Variants in ZBTB46 observed in about 807,000 individuals in gnomAD.
ZBTB46 encodes the protein zinc finger and BTB domain-containing protein 46.
Under a neutral mutation model 44.1 loss-of-function variants are expected in ZBTB46, and 8 were observed. The observed-to-expected ratio is 0.18, with a 90% CI of 0.11 to 0.33. The LOEUF is 0.33. Among genes scored for constraint, ZBTB46 ranks in the 10% least tolerant of loss-of-function variants. The probability of loss-of-function intolerance (pLI) is 1.00; values close to 1 mark genes in which losing one functional copy is unlikely to be tolerated. For synonymous variants in ZBTB46, 409 were observed against 382.3 expected (o/e 1.07, Z -0.81); for missense variants, 651 against 847.7 (o/e 0.77, Z 2.88).
At chr20:63,810,703 G>A (rs6011146) in intron 1 of ZBTB46, among the ~76,000 whole-genome samples, 27,231 of 152,096 alleles carry the variant, frequency 0.18, 2,961 homozygotes, top group East Asian at 0.45. Flanking sequence ...CCAAAATTGT[G>A]CCACTGCACT....
intron 1 of ZBTB46, among the ~76,000 whole-genome samples, chr20:63,830,533 G>T (rs1193028171): frequency 6.6e-6 from 1 of 150,462 alleles, no homozygotes; most frequent in Non-Finnish European, 1.5e-5. Flanking sequence ...CGGCCTCAGG[G>T]CGCCGGGACC....
At chr20:63,760,310 T>C (rs536765539) in intron 3 of ZBTB46, among the ~76,000 whole-genome samples, 15 of 152,358 alleles carry the variant, frequency 9.8e-5, no homozygotes, top group African/African-American at 3.4e-4. Flanking sequence ...CATAAAACCA[T>C]TGAGCTCTTC....
chr20:63,808,653 C>T (rs956990812), intron 1 of ZBTB46, among the ~76,000 whole-genome samples: 1 of 152,114 alleles, frequency 6.6e-6, no homozygotes, highest in African/African-American at 2.4e-5. Context: ...GTCCAGCGCT[C>T]GGCCAGGACA....
intron 2 of ZBTB46, among the ~76,000 whole-genome samples, chr20:63,782,134 C>T (rs867922735): frequency 1.4e-4 from 22 of 151,960 alleles, no homozygotes; most frequent in East Asian, 7.8e-4. Flanking sequence ...CCAAAATCCC[C>T]GGCTACTGTA....
intron 3 of ZBTB46, among the ~76,000 whole-genome samples, chr20:63,754,191 G>C (rs574432026): frequency 1.3e-5 from 2 of 152,208 alleles, no homozygotes; most frequent in Admixed American, 6.5e-5. Flanking sequence ...TGTCCCCGCC[G>C]CACATCCCCC....
At chr20:63,792,071 T>C (rs1157812894) in intron 1 of ZBTB46, among the ~76,000 whole-genome samples, 1 of 152,182 alleles carries the variant, frequency 6.6e-6, no homozygotes, top group Non-Finnish European at 1.5e-5. Context: ...TGTGTCCAAA[T>C]GTCACCCTTT....
chr20:63,770,833 G>A (rs2092363106), intron 3 of ZBTB46, among the ~76,000 whole-genome samples: 1 of 152,234 alleles, frequency 6.6e-6, no homozygotes, highest in Non-Finnish European at 1.5e-5. Context: ...CCTGCACGAT[G>A]CGCCAGCCCA....
rs748105493 is a variant in ZBTB46 at position 63,790,569 on chromosome 20, C to T, written c.189G>A (p.Val63=). 1 of 1,613,404 alleles carries T rather than the reference C, an allele frequency of 6.2e-7. No individual in the cohort carries two copies. The highest frequency in any genetic ancestry group is 1.1e-5 in the South Asian group (1 of 91,090). The change falls in exon 2 of 5, where the codon GTG becomes GTA. Residue 63 remains valine (V), a synonymous_variant. Coordinates refer to ENST00000245663, the MANE Select transcript of ZBTB46 (RefSeq NM_001369741.1). ...CCGTGGCCTGCTCCGACGTCTTCTG[C>T]ACCTGGCAGTAGAGCGTCTTGAAGT... ...SRYFKTLYCQ[V]QKTSEQATVT... is the part of the protein sequence containing the mutation.
chr20:63,811,607 TG>T (rs1246570480), intron 1 of ZBTB46, among the ~76,000 whole-genome samples: 1 of 151,398 alleles, frequency 6.6e-6, no homozygotes, highest in Non-Finnish European at 1.5e-5. Flanking sequence ...CAACTGACCC[TG>T]ACCCCTGGGC....
At chr20:63,750,576 A>T (rs1360785037) in intron 4 of ZBTB46, among the ~76,000 whole-genome samples, 2 of 151,702 alleles carry the variant, frequency 1.3e-5, no homozygotes, top group East Asian at 3.9e-4. Flanking sequence ...GGGAATTATG[A>T]CCCCCTGAAG....
Position 63,752,640 on chromosome 20 carries a change from C to A in ZBTB46, c.1398+46G>T. On this transcript the variant is annotated intron_variant, in intron 4 of 4. Coordinates refer to ENST00000245663, the MANE Select transcript of ZBTB46 (RefSeq NM_001369741.1). This position sits in a 1 kb window ranked among gnomAD's most constrained non-coding sequence, Gnocchi z 5.6. ...CATCAGGACCCGCCTGCCCGGACATCGTGGCCACGCGCAGCGCGCGGCACG... is the reference window on the plus strand; with the variant it reads ...CATCAGGACCCGCCTGCCCGGACATAGTGGCCACGCGCAGCGCGCGGCACG... 6.8e-7 allele frequency: 1 copy of A among 1,461,358 alleles called. No homozygotes were observed. The highest frequency in any genetic ancestry group is 2.5e-5 in the East Asian group (1 of 39,502). 90.5% of individuals were successfully genotyped at this position (1,461,358 alleles called of 1,614,324 possible). A position where few individuals can be genotyped will look rare whatever the true frequency, so the allele number is the denominator to read the frequency against.
At chr20:63,809,728 G>T (rs1035456334) in intron 1 of ZBTB46, among the ~76,000 whole-genome samples, 1 of 152,188 alleles carries the variant, frequency 6.6e-6, no homozygotes, top group Admixed American at 6.5e-5. Flanking sequence ...GAGGGAAGCC[G>T]GGGCGAGCAG....
intron 2 of ZBTB46, among the ~76,000 whole-genome samples, chr20:63,780,272 A>C (rs2092458246): frequency 7.0e-6 from 1 of 142,500 alleles, no homozygotes; most frequent in Admixed American, 7.0e-5. Flanking sequence ...ACTCCATCTC[A>C]AAAAAAAAAA....
intron 1 of ZBTB46, among the ~76,000 whole-genome samples, chr20:63,826,703 C>A (rs556397293): frequency 2.6e-5 from 4 of 152,312 alleles, no homozygotes; most frequent in South Asian, 2.1e-4. Flanking sequence ...CCAGCCTGCG[C>A]GACAGAGCGA....
intron 1 of ZBTB46, 43 bp downstream of exon 1, chr20:63,831,054 T>A (rs1258827666): frequency 7.3e-6 from 1 of 137,466 alleles, no homozygotes; most frequent in Non-Finnish European, 1.6e-5. Context: ...CCCGCCGCGA[T>A]GCGCCCGCCC....
intron 1 of ZBTB46, among the ~76,000 whole-genome samples, chr20:63,798,853 A>C: frequency 6.6e-6 from 1 of 151,192 alleles, no homozygotes; most frequent in Non-Finnish European, 1.5e-5. Context: ...AAAAAAAAAA[A>C]AAAAAATGTA....
At chr20:63,808,839 G>A (rs1430696510) in intron 1 of ZBTB46, among the ~76,000 whole-genome samples, 2 of 151,750 alleles carry the variant, frequency 1.3e-5, no homozygotes, top group South Asian at 4.2e-4. Context: ...TTAGCCGGGC[G>A]TGGTGGGGGC....
chr20:63,796,816 A>C (rs1568880998), intron 1 of ZBTB46, among the ~76,000 whole-genome samples: 1 of 151,846 alleles, frequency 6.6e-6, no homozygotes, highest in Non-Finnish European at 1.5e-5. Context: ...CAAGAGTAAG[A>C]CTCCATCTCA....
In ZBTB46 at chr20:63,747,153, C is replaced by A. The variant is rs1568822670; in HGVS notation, c.1547G>T (p.Gly516Val). 6.2e-7 allele frequency: 1 copy of A among 1,610,034 alleles called. No individual in the cohort carries two copies. The highest frequency in any genetic ancestry group is 1.7e-5 in the Admixed American group (1 of 59,876). The stretch of plus-strand genomic sequence containing the variant: ...TGGAGAGCCCTCGCCGCCTCCGCCG[C>A]CATGGTCCAGGGGCCCGGCCATGCC... ...GRGMAGPLDH[G>V]GGGGEGSPEA... is the part of the protein sequence containing the mutation. Residue 516 changes from glycine (G) to valine (V), a missense_variant, in exon 5 of 5, where the codon GGC becomes GTC. Coordinates refer to ENST00000245663, the MANE Select transcript of ZBTB46 (RefSeq NM_001369741.1).
Sources: allele counts gnomAD v4.1 joint callset (sites outside exome capture counted in the v4.1 genomes callset), GRCh38; gene constraint gnomAD v4.1.1; non-coding constraint Gnocchi (gnomAD v3.1); transcripts MANE v1.5; gene names NCBI Gene and HGNC (gene_info 2026-07-23, HGNC 2026-07-21).